The following BRD10 variants were observed in gnomAD, a reference collection of about 807,000 sequenced individuals.
BRD10 encodes uncharacterized bromodomain-containing protein 10.
At chr9:5,954,084 C>G in the BRD10 span, 2 of 1,544,438 alleles carry the variant, frequency 1.3e-6, no homozygotes, top group Non-Finnish European at 1.8e-6. Context: ...TTTTTAGAGA[C>G]GGATTTTTTT....
the BRD10 span, among the ~76,000 whole-genome samples, chr9:5,888,592 G>A: frequency 6.6e-6 from 1 of 152,202 alleles, no homozygotes; most frequent in Admixed American, 6.5e-5. Context: ...AACTGCTAAC[G>A]AATGTACAGG....
chr9:5,920,216 C>T, the BRD10 span: 3 of 1,613,452 alleles, frequency 1.9e-6, no homozygotes, highest in Non-Finnish European at 2.5e-6. Flanking sequence ...GCCTTGGCCA[C>T]TGTTAAGAAC....
At chr9:5,979,055 T>C in the BRD10 span, among the ~76,000 whole-genome samples, 7 of 152,312 alleles carry the variant, frequency 4.6e-5, no homozygotes, top group African/African-American at 9.6e-5. Context: ...CACTGCTACT[T>C]TGTGTTATAG....
chr9:5,975,778 C>T, the BRD10 span, among the ~76,000 whole-genome samples: 4 of 151,824 alleles, frequency 2.6e-5, no homozygotes, highest in African/African-American at 9.7e-5. Flanking sequence ...GTGAGAAGAA[C>T]TGGGAAAAAA....
the BRD10 span, among the ~76,000 whole-genome samples, chr9:5,953,219 T>G: frequency 6.6e-6 from 1 of 152,170 alleles, no homozygotes; most frequent in Non-Finnish European, 1.5e-5. Flanking sequence ...ACTCACAAAT[T>G]CATCTGAACA....
At chr9:5,926,365 T>C in the BRD10 span, among the ~76,000 whole-genome samples, 37 of 152,100 alleles carry the variant, frequency 2.4e-4, 1 homozygote, top group Admixed American at 2.4e-3. Flanking sequence ...GGAGTACAAG[T>C]GGCACAATCT....
the BRD10 span, among the ~76,000 whole-genome samples, chr9:5,883,140 C>A: frequency 2.1e-5 from 3 of 144,016 alleles, no homozygotes; most frequent in South Asian, 6.9e-4. Flanking sequence ...CACATGTACC[C>A]TAGAACTTAA....
At chr9:5,906,540 C>T in the BRD10 span, among the ~76,000 whole-genome samples, 1 of 152,192 alleles carries the variant, frequency 6.6e-6, no homozygotes, top group Non-Finnish European at 1.5e-5. Flanking sequence ...TTTATTTCTG[C>T]TTCACTATTG....
the BRD10 span, among the ~76,000 whole-genome samples, chr9:5,905,562 T>C: frequency 1.3e-5 from 2 of 152,244 alleles, no homozygotes; most frequent in Non-Finnish European, 2.9e-5. Context: ...GACTCTGGTA[T>C]AGCATCACAT....
the BRD10 span, among the ~76,000 whole-genome samples, chr9:5,881,942 G>C: frequency 6.6e-6 from 1 of 152,192 alleles, no homozygotes; most frequent in Non-Finnish European, 1.5e-5. Context: ...CACTCTCACA[G>C]AGCCCAGGAA....
the BRD10 span, among the ~76,000 whole-genome samples, chr9:5,952,997 G>A: frequency 4.6e-5 from 7 of 152,054 alleles, no homozygotes; most frequent in Non-Finnish European, 1.0e-4. Flanking sequence ...AGTACTAAGA[G>A]AAAAACATGT....
the BRD10 span, among the ~76,000 whole-genome samples, chr9:5,926,841 T>C: frequency 2.0e-5 from 3 of 152,174 alleles, no homozygotes; most frequent in African/African-American, 7.2e-5. Flanking sequence ...TTCCAAAACA[T>C]TAAAATTCCT....
chr9:5,958,173 C>T, the BRD10 span, among the ~76,000 whole-genome samples: 9 of 151,900 alleles, frequency 5.9e-5, no homozygotes, highest in Non-Finnish European at 1.2e-4. Context: ...CAAAAGTATA[C>T]CCTAATGAAG....
At chr9:5,981,526 G>C in the BRD10 span, among the ~76,000 whole-genome samples, 2 of 152,184 alleles carry the variant, frequency 1.3e-5, no homozygotes, top group Admixed American at 1.3e-4. Flanking sequence ...AATTAGGTCT[G>C]AAACTTAAAG....
the BRD10 span, chr9:5,954,072 CT>C: frequency 2.6e-6 from 4 of 1,556,240 alleles, no homozygotes; most frequent in Non-Finnish European, 3.5e-6. Context: ...TTTGTGATTG[CT>C]TTTTTAGAGA....
chr9:5,999,498 C>G, the BRD10 span, among the ~76,000 whole-genome samples: 1 of 151,922 alleles, frequency 6.6e-6, no homozygotes, highest in Non-Finnish European at 1.5e-5. Flanking sequence ...CTAGTTTTCT[C>G]CTTCTCTAAT....
chr9:5,903,383 C>G, the BRD10 span, among the ~76,000 whole-genome samples: 1 of 151,904 alleles, frequency 6.6e-6, no homozygotes, highest in Non-Finnish European at 1.5e-5. Flanking sequence ...GTATATAATT[C>G]CTTTTATATA....
the BRD10 span, chr9:5,910,246 T>A: frequency 2.0e-5 from 3 of 152,342 alleles, no homozygotes; most frequent in South Asian, 6.2e-4. Context: ...CTAAAAATCA[T>A]CTTGTCTCAT....
the BRD10 span, among the ~76,000 whole-genome samples, chr9:5,961,957 G>GT: frequency 0.58 from 87,715 of 151,342 alleles, 26,977 homozygotes; most frequent in Non-Finnish European, 0.71. Context: ...TTTTTGAAGG[G>GT]TTTTTTGTGT....
Sources: allele counts gnomAD v4.1 joint callset (sites outside exome capture counted in the v4.1 genomes callset), GRCh38; gene constraint gnomAD v4.1.1; transcripts MANE v1.5; gene names NCBI Gene and HGNC (gene_info 2026-07-23, HGNC 2026-07-21).